Variants in SPOCK1 observed in about 807,000 individuals in gnomAD.
The protein encoded by SPOCK1 is SPARC (osteonectin), cwcv and kazal like domains proteoglycan 1, also known as testican-1.
A neutral mutation model predicts 55.3 loss-of-function variants in SPOCK1; 23 were observed. The ratio of observed to expected loss-of-function variants is 0.42; its 90% CI spans 0.30 to 0.59. The LOEUF (loss-of-function observed/expected upper bound fraction) is 0.59, where lower values mean the gene tolerates loss of function less well. Ranked by LOEUF, SPOCK1 falls within the 20% of genes least tolerant of loss-of-function variation. SPOCK1 has a pLI of 0.22. For synonymous variants in SPOCK1, 226 were observed against 221.0 expected, an observed-to-expected ratio of 1.02 and a Z score of -0.20; for missense variants, 499 against 552.5, an observed-to-expected ratio of 0.90 and a Z score of 0.97.
chr5:137,471,181 T>C (rs1465644344), intron 2 of SPOCK1, among the ~76,000 whole-genome samples: 5 of 152,228 alleles, frequency 3.3e-5, no homozygotes, highest in African/African-American at 7.2e-5. Context: ...CAGAGCCACA[T>C]AGGGTGATCC....
At chr5:137,463,065 T>C (rs1753522549) in intron 2 of SPOCK1, among the ~76,000 whole-genome samples, 1 of 152,204 alleles carries the variant, frequency 6.6e-6, no homozygotes, top group Non-Finnish European at 1.5e-5. Context: ...GAGTCATCAC[T>C]GAAGCATGTT....
chr5:137,285,807 A>T (rs2127127823), intron 2 of SPOCK1, among the ~76,000 whole-genome samples: 1 of 152,232 alleles, frequency 6.6e-6, no homozygotes, highest in African/African-American at 2.4e-5. Context: ...GTAAGAGGGG[A>T]GAATACCACA....
At chr5:137,337,808 A>T (rs943702440) in intron 2 of SPOCK1, among the ~76,000 whole-genome samples, 1 of 152,238 alleles carries the variant, frequency 6.6e-6, no homozygotes, top group Admixed American at 6.5e-5. Flanking sequence ...TCATTGAAGA[A>T]GCATTCATAA....
intron 3 of SPOCK1, among the ~76,000 whole-genome samples, chr5:137,227,824 G>A (rs1318277312): frequency 6.6e-6 from 1 of 152,138 alleles, no homozygotes; most frequent in Non-Finnish European, 1.5e-5. Context: ...CCATAAGCTT[G>A]TACCTCTTAG....
intron 3 of SPOCK1, among the ~76,000 whole-genome samples, chr5:137,195,635 T>C (rs10052052): frequency 0.8 from 122,327 of 152,146 alleles, 49,407 homozygotes; most frequent in Non-Finnish European, 0.85. Context: ...GCTGCCAATG[T>C]GCATGGCATG....
chr5:137,148,752 G>T (rs1754254977), intron 3 of SPOCK1, among the ~76,000 whole-genome samples: 1 of 151,942 alleles, frequency 6.6e-6, no homozygotes, highest in South Asian at 2.1e-4. Context: ...TTTACCAACT[G>T]GTAACTGACA....
chr5:137,022,492 G>A (rs1042648231), intron 6 of SPOCK1, among the ~76,000 whole-genome samples: 1 of 152,068 alleles, frequency 6.6e-6, no homozygotes, highest in Non-Finnish European at 1.5e-5. Flanking sequence ...GTTTGTTACA[G>A]GGCAAGAAAT....
chr5:137,241,704 C>T (rs998524997), intron 3 of SPOCK1, among the ~76,000 whole-genome samples: 2 of 152,158 alleles, frequency 1.3e-5, no homozygotes, highest in African/African-American at 4.8e-5. Flanking sequence ...GCAAGAAGGC[C>T]TCACTAGATG....
At chr5:137,270,014 T>A (rs1756930141) in intron 2 of SPOCK1, among the ~76,000 whole-genome samples, 1 of 152,240 alleles carries the variant, frequency 6.6e-6, no homozygotes, top group Admixed American at 6.5e-5. Context: ...ATGCTGTCAA[T>A]AATTCTATCA....
Position 137,415,247 on chromosome 5 carries a change from A to G in SPOCK1, c.186+83126T>C, listed in dbSNP as rs1178702273. ...CCATATAGTTTGAGATTCCGATCAC[A>G]AAAGGCAATCCCTTTCTATTACAAG... On this transcript the variant is annotated intron_variant, in intron 2 of 10. Transcript: ENST00000394945. Among the ~76,000 whole-genome samples the G allele has an allele frequency of 3.3e-5, 5 of 152,232 alleles. No homozygotes were observed. In the East Asian group the frequency reaches 9.6e-4, roughly 29 times the overall value.
At chr5:137,162,687 T>C (rs1012917542) in intron 3 of SPOCK1, among the ~76,000 whole-genome samples, 28 of 152,160 alleles carry the variant, frequency 1.8e-4, no homozygotes, top group African/African-American at 6.5e-4. Context: ...CAAATGTCTG[T>C]AGTTATAAAG....
intron 2 of SPOCK1, among the ~76,000 whole-genome samples, chr5:137,495,559 C>T (rs1754280355): frequency 6.6e-6 from 1 of 152,220 alleles, no homozygotes; most frequent in Admixed American, 6.5e-5. Flanking sequence ...AATTGTGGGA[C>T]ACAGCCTTTC....
chr5:137,239,598 G>C (rs1756245173), intron 3 of SPOCK1, among the ~76,000 whole-genome samples: 1 of 152,224 alleles, frequency 6.6e-6, no homozygotes. Context: ...ACTCCAAGTG[G>C]ATAGTGTCAG....
intron 2 of SPOCK1, among the ~76,000 whole-genome samples, chr5:137,494,645 AT>A (rs894620462): frequency 5.3e-5 from 8 of 152,356 alleles, no homozygotes; most frequent in African/African-American, 1.7e-4. Context: ...TAGAAAAAAT[AT>A]TTTTTAAAAG....
chr5:137,305,257 G>A (rs1757682456), intron 2 of SPOCK1, among the ~76,000 whole-genome samples: 1 of 152,140 alleles, frequency 6.6e-6, no homozygotes, highest in Admixed American at 6.5e-5. Context: ...GCCACCCTGG[G>A]TGTTTGCCTG....
chr5:136,985,068 C>T, intron 9 of SPOCK1, 72 bp downstream of exon 9: 3 of 1,412,780 alleles, frequency 2.1e-6, no homozygotes, highest in Non-Finnish European at 3.0e-6. Context: ...TAACCATTGC[C>T]ATGCTGATCA....
intron 5 of SPOCK1, among the ~76,000 whole-genome samples, chr5:137,075,737 C>A (rs1274882004): frequency 2.0e-5 from 3 of 152,058 alleles, no homozygotes; most frequent in Admixed American, 6.5e-5. Context: ...CAAGAGTGGC[C>A]GGCACCGTGG....
At chr5:137,394,369 T>C (rs1410640542) in intron 2 of SPOCK1, among the ~76,000 whole-genome samples, 2 of 152,184 alleles carry the variant, frequency 1.3e-5, no homozygotes, top group African/African-American at 4.8e-5. Flanking sequence ...TTTATGACAA[T>C]TCTGAAACAG....
rs1233220843 is a variant in SPOCK1 at position 137,363,610 on chromosome 5, TAGAG to T, written c.187-96559_187-96556del. Among the ~76,000 whole-genome samples the T allele has an allele frequency of 5.9e-5, 9 of 152,328 alleles. No individual in the cohort carries two copies. In the East Asian group the frequency reaches 1.7e-3, roughly 29 times the overall value. On this transcript the variant is annotated intron_variant, in intron 2 of 10. Transcript: ENST00000394945. ...CAAAAGTTAAGAATCCTTACTGTCC[TAGAG>T]CTGTCAGGAGACAATGTAGGGTTGG...
Sources: gnomAD v4.1 joint callset for allele counts (sites outside exome capture counted in the v4.1 genomes callset) on GRCh38, gnomAD v4.1.1 for gene constraint, MANE v1.5 for transcripts, NCBI Gene and HGNC (gene_info 2026-07-23, HGNC 2026-07-21) for gene names.